Variants in EEFSEC observed in about 807,000 individuals in gnomAD.
EEFSEC encodes the protein selenocysteine-specific elongation factor.
EEFSEC carries 43 observed loss-of-function variants against 42.1 expected under a neutral mutation model. The observed-to-expected ratio is 1.02, with a 90% CI of 0.80 to 1.32. EEFSEC has a LOEUF of 1.32. Among genes scored for constraint, EEFSEC ranks in the 40% most tolerant of loss-of-function variants. The probability of loss-of-function intolerance (pLI) is 0.00; values close to 1 mark genes in which losing one functional copy is unlikely to be tolerated. For synonymous variants in EEFSEC, 354 were observed against 339.1 expected (o/e 1.04, Z -0.48); for missense variants, 745 against 803.6 (o/e 0.93, Z 0.88).
intron 6 of EEFSEC, among the ~76,000 whole-genome samples, chr3:128,398,381 G>C (rs574117370): frequency 6.6e-6 from 1 of 152,322 alleles, no homozygotes; most frequent in Admixed American, 6.5e-5. Flanking sequence ...GATGGAAGAG[G>C]AATGTGTGGT....
chr3:128,311,788 C>T (rs1344619324), intron 4 of EEFSEC, among the ~76,000 whole-genome samples: 1 of 152,162 alleles, frequency 6.6e-6, no homozygotes, highest in Non-Finnish European at 1.5e-5. Context: ...CAAGGGACGC[C>T]CTTTCCAGCC....
chr3:128,168,614 GTTC>G (rs2065264818), intron 1 of EEFSEC, among the ~76,000 whole-genome samples: 1 of 152,184 alleles, frequency 6.6e-6, no homozygotes, highest in African/African-American at 2.4e-5. Flanking sequence ...TCACCCTTTA[GTTC>G]TTCTTGTGTC....
In EEFSEC at chr3:128,309,553, A is replaced by G. The variant is rs567465425; in HGVS notation, c.787-31680A>G. 2.6e-5 allele frequency among the ~76,000 whole-genome samples: 4 copies of G among 152,304 alleles called. No homozygotes were observed. The East Asian group carries it at 7.7e-4, about 29-fold the overall frequency. On this transcript the variant is annotated intron_variant, in intron 4 of 6. Coordinates refer to ENST00000254730, the MANE Select transcript of EEFSEC (RefSeq NM_021937.5). ...ATGGGGAAACTGAGGTTCAAAGGAG[A>G]AACTTTTACCAGTAAGTAAAAGACC... is the stretch of plus-strand genomic sequence containing the variant.
chr3:128,188,962 G>C (rs2065492453), intron 1 of EEFSEC, among the ~76,000 whole-genome samples: 1 of 152,206 alleles, frequency 6.6e-6, no homozygotes, highest in African/African-American at 2.4e-5. Context: ...GAGTCTGTAG[G>C]GGAGTTGGAC....
At chr3:128,281,127 G>A (rs1006204746) in intron 4 of EEFSEC, among the ~76,000 whole-genome samples, 6 of 152,194 alleles carry the variant, frequency 3.9e-5, no homozygotes, top group African/African-American at 1.4e-4. Context: ...ACCATAGCAG[G>A]AGCTTCTTCC....
intron 6 of EEFSEC, among the ~76,000 whole-genome samples, chr3:128,390,037 A>G (rs2067889215): frequency 6.6e-6 from 1 of 152,224 alleles, no homozygotes; most frequent in Non-Finnish European, 1.5e-5. Flanking sequence ...ACCACCACAC[A>G]ACTATTTTAA....
At chr3:128,332,706 G>C (rs1215642785) in intron 4 of EEFSEC, among the ~76,000 whole-genome samples, 1 of 152,238 alleles carries the variant, frequency 6.6e-6, no homozygotes, top group Non-Finnish European at 1.5e-5. Context: ...CGCAGCCCCA[G>C]AGGTGGTGCT....
At chr3:128,371,111 G>GT (rs147749544) in intron 6 of EEFSEC, among the ~76,000 whole-genome samples, 2,908 of 150,276 alleles carry the variant, frequency 0.019, 92 homozygotes, top group African/African-American at 0.064. Context: ...TTTTGGAGCA[G>GT]TTTTTTTTTT....
At chr3:128,323,929 C>A (rs551420863) in intron 4 of EEFSEC, among the ~76,000 whole-genome samples, 2 of 152,222 alleles carry the variant, frequency 1.3e-5, no homozygotes, top group African/African-American at 4.8e-5. Context: ...GCGCCTCCCC[C>A]CCTGTGGCAG....
At chr3:128,209,998 C>T (rs1463536190) in intron 1 of EEFSEC, among the ~76,000 whole-genome samples, 1 of 152,220 alleles carries the variant, frequency 6.6e-6, no homozygotes, top group Non-Finnish European at 1.5e-5. Flanking sequence ...GGCTTGTAAA[C>T]AGGAGCACCT....
At chr3:128,251,292 T>C (rs2066184164) in intron 2 of EEFSEC, among the ~76,000 whole-genome samples, 1 of 152,202 alleles carries the variant, frequency 6.6e-6, no homozygotes, top group African/African-American at 2.4e-5. Flanking sequence ...TCTCTGTACA[T>C]CATTAAACTG....
At chr3:128,390,083 A>G (rs904036699) in intron 6 of EEFSEC, among the ~76,000 whole-genome samples, 3 of 152,250 alleles carry the variant, frequency 2.0e-5, no homozygotes, top group African/African-American at 4.8e-5. Context: ...TTCTCGTATC[A>G]TCACATTTAT....
chr3:128,188,887 G>A (rs2065491606), intron 1 of EEFSEC, among the ~76,000 whole-genome samples: 1 of 152,180 alleles, frequency 6.6e-6, no homozygotes, highest in South Asian at 2.1e-4. Flanking sequence ...GCTCACCTGG[G>A]AGTTTGATAG....
chr3:128,255,747 G>A (rs1035970888), intron 2 of EEFSEC, among the ~76,000 whole-genome samples: 3 of 152,182 alleles, frequency 2.0e-5, no homozygotes, highest in Non-Finnish European at 2.9e-5. Flanking sequence ...TGGCAGGGTG[G>A]GGGTGTCAAG....
chr3:128,297,707 T>A (rs1690612747), intron 4 of EEFSEC, among the ~76,000 whole-genome samples: 1 of 152,214 alleles, frequency 6.6e-6, no homozygotes, highest in African/African-American at 2.4e-5. Context: ...CATGCCTTGT[T>A]CCCACTGGCT....
intron 5 of EEFSEC, among the ~76,000 whole-genome samples, chr3:128,343,374 C>T (rs1260003193): frequency 2.0e-5 from 3 of 152,084 alleles, no homozygotes; most frequent in Admixed American, 6.5e-5. Flanking sequence ...TGCCCCTGTA[C>T]CTAGACCTGC....
At chr3:128,313,198 G>T (rs920985585) in intron 4 of EEFSEC, among the ~76,000 whole-genome samples, 1 of 152,236 alleles carries the variant, frequency 6.6e-6, no homozygotes, top group Non-Finnish European at 1.5e-5. Flanking sequence ...AGTTGATAGT[G>T]TGCCTCTCCC....
intron 1 of EEFSEC, among the ~76,000 whole-genome samples, chr3:128,200,268 T>C (rs2065630103): frequency 6.6e-6 from 1 of 152,102 alleles, no homozygotes; most frequent in Admixed American, 6.5e-5. Flanking sequence ...CACAAGGAAA[T>C]CTTTCTCCAA....
chr3:128,153,922 C>T, intron 1 of EEFSEC, 99 bp downstream of exon 1: 2 of 1,403,090 alleles, frequency 1.4e-6, no homozygotes, highest in Non-Finnish European at 1.8e-6. Flanking sequence ...GACGGGAAAT[C>T]GCCCCACCTC....
Sources: allele counts gnomAD v4.1 joint callset (sites outside exome capture counted in the v4.1 genomes callset), GRCh38; gene constraint gnomAD v4.1.1; transcripts MANE v1.5; gene names NCBI Gene and HGNC (gene_info 2026-07-23, HGNC 2026-07-21).